The following USP45 variants were observed in gnomAD, a reference collection of about 807,000 sequenced individuals.
USP45 encodes the protein ubiquitin specific peptidase 45, also known as ubiquitin carboxyl-terminal hydrolase 45.
Under a neutral mutation model 95.8 loss-of-function variants are expected in USP45, and 89 were observed. The ratio of observed to expected loss-of-function variants is 0.93; its 90% CI spans 0.78 to 1.11. The LOEUF is 1.11. Among genes scored for constraint, USP45 ranks in the 50% least tolerant of loss-of-function variants. USP45 has a pLI of 0.00. For missense variants in USP45, 898 were observed against 942.5 expected, an observed-to-expected ratio of 0.95 and a Z score of 0.62; for synonymous variants, 281 against 316.2, an observed-to-expected ratio of 0.89 and a Z score of 1.18.
At chr6:99,444,569 A>G (rs1411518352) in intron 14 of USP45, among the ~76,000 whole-genome samples, 1 of 151,542 alleles carries the variant, frequency 6.6e-6, no homozygotes, top group Non-Finnish European at 1.5e-5. Context: ...TACCCCAACA[A>G]CCTCCTTCAC....
intron 13 of USP45, among the ~76,000 whole-genome samples, chr6:99,458,754 G>A (rs1199130762): frequency 2.6e-5 from 4 of 152,220 alleles, no homozygotes; most frequent in Non-Finnish European, 5.9e-5. Flanking sequence ...ATCCAGAATT[G>A]AGTGGATCAG....
intron 5 of USP45, among the ~76,000 whole-genome samples, chr6:99,496,693 C>G (rs1435835434): frequency 6.6e-6 from 1 of 151,914 alleles, no homozygotes; most frequent in Non-Finnish European, 1.5e-5. Context: ...TAGAACACTT[C>G]ATGACATTTA....
chr6:99,510,997 T>G (rs557450842), intron 1 of USP45, among the ~76,000 whole-genome samples: 3 of 152,320 alleles, frequency 2.0e-5, no homozygotes, highest in Admixed American at 1.3e-4. Context: ...ACTCTATACC[T>G]GTGTTGTACA....
chr6:99,471,561 A>C (rs1368042881), intron 9 of USP45, among the ~76,000 whole-genome samples: 1 of 152,216 alleles, frequency 6.6e-6, no homozygotes, highest in Admixed American at 6.5e-5. Flanking sequence ...TATAAATTAA[A>C]AAGACTGCCT....
chr6:99,482,389 T>C (rs1028387587), intron 8 of USP45: 4 of 189,750 alleles, frequency 2.1e-5, no homozygotes, highest in Non-Finnish European at 4.3e-5. Flanking sequence ...ATAAGAAAGC[T>C]AGATTAGATG....
intron 15 of USP45, among the ~76,000 whole-genome samples, chr6:99,440,809 C>T (rs1271488297): frequency 1.3e-5 from 2 of 152,050 alleles, no homozygotes; most frequent in African/African-American, 2.4e-5. Context: ...ATTTAATCTA[C>T]ATTCAATTTC....
intron 17 of USP45, among the ~76,000 whole-genome samples, chr6:99,436,842 G>A (rs1453284748): frequency 6.6e-6 from 1 of 152,146 alleles, no homozygotes; most frequent in East Asian, 1.9e-4. Flanking sequence ...GCTCACACCT[G>A]TAATCCCAGC....
At chr6:99,493,438 T>C (rs1225040529) in intron 5 of USP45, among the ~76,000 whole-genome samples, 1 of 152,248 alleles carries the variant, frequency 6.6e-6, no homozygotes, top group African/African-American at 2.4e-5. Flanking sequence ...ACAATTCTAG[T>C]TTAAAACAGG....
chr6:99,514,941 A>T (rs1393326519), intron 1 of USP45: 2 of 152,216 alleles, frequency 1.3e-5, no homozygotes, highest in Non-Finnish European at 2.9e-5. Context: ...TCCCAAAGCC[A>T]GTAAGCGGTG....
chr6:99,472,405 G>A (rs576677675), intron 9 of USP45, among the ~76,000 whole-genome samples: 9 of 151,768 alleles, frequency 5.9e-5, no homozygotes, highest in South Asian at 4.1e-4. Context: ...TAGTAGACAC[G>A]GGGTTTCACC....
Position 99,443,678 on chromosome 6 carries a change from T to TA in USP45, c.1976-17dup. 2.1e-6 allele frequency: 3 copies of TA among 1,453,784 alleles called. No homozygotes were observed. The highest frequency in any genetic ancestry group is 2.8e-6 in the Non-Finnish European group (3 of 1,078,872). 90.1% of individuals were successfully genotyped at this position (1,453,784 alleles called of 1,614,324 possible). A position where few individuals can be genotyped will look rare whatever the true frequency, so the allele number is the denominator to read the frequency against. On this transcript the variant is annotated splice_polypyrimidine_tract_variant and intron_variant, in intron 14 of 17. Transcript: ENST00000500704. ...ACTTTCTTTTCTACATAAAATACAATAAATTTATTTATAAAATTCCATTTT... is the reference window on the plus strand; with the variant it reads ...ACTTTCTTTTCTACATAAAATACAATAAAATTTATTTATAAAATTCCATTTT...
chr6:99,445,857 G>A lies in USP45; in HGVS notation c.1915C>T (p.Leu639Phe), dbSNP rs1782439932. ...SMELLMGNNK[L>F]LCENCTKNKQ... ...TTTTTAGTACAATTCTCACATAGAA[G>A]CTTATTATTCCCCATTAGTAATTCC... Residue 639 changes from leucine (L) to phenylalanine (F), a missense_variant, in exon 14 of 18, where the codon CTT becomes TTT. Physicochemically the swap from Leu to Phe is conservative, Grantham distance 22. Coordinates refer to ENST00000500704, the MANE Select transcript of USP45 (RefSeq NM_001346022.3). The A allele has an allele frequency of 6.2e-7, 1 of 1,607,672 alleles. No homozygotes were observed. The highest frequency in any genetic ancestry group is 1.3e-5 in the African/African-American group (1 of 74,570).
intron 15 of USP45, among the ~76,000 whole-genome samples, chr6:99,442,706 G>A (rs1004182770): frequency 6.6e-6 from 1 of 151,126 alleles, no homozygotes; most frequent in Non-Finnish European, 1.5e-5. Context: ...AATTAGCTAG[G>A]TGTGGTGGCA....
upstream of USP45, among the ~76,000 whole-genome samples, chr6:99,516,069 G>C (rs942977419): frequency 6.6e-6 from 1 of 152,128 alleles, no homozygotes; most frequent in Admixed American, 6.5e-5. Context: ...GAGCCACCGC[G>C]CCCGGCTCCG....
At chr6:99,468,265 A>G in intron 10 of USP45, 1 of 502,984 alleles carries the variant, frequency 2.0e-6, no homozygotes, top group South Asian at 1.6e-5. Context: ...ACTTTCAACA[A>G]CCTTTCAAGT....
Position 99,488,808 on chromosome 6 carries a change from C to A in USP45, c.491G>T (p.Arg164Ile). ...TTTTTCTTCACAAAGTTTCATGATT[C>A]TAGAAAATGCACCTACAAGTTAGAG... Reference protein sequence around the residue: ...ASKTQTSAFSRIMKLCEEKCE... With the variant: ...ASKTQTSAFSIIMKLCEEKCE... Residue 164 changes from arginine to isoleucine, a missense_variant, in exon 6 of 18, where the codon AGA (arginine) becomes ATA (isoleucine). Physicochemically the swap from Arg to Ile is moderately conservative, Grantham distance 97. Transcript: ENST00000500704. 6.3e-7 allele frequency: 1 copy of A among 1,586,354 alleles called. No individual in the cohort carries two copies. The highest frequency in any genetic ancestry group is 1.2e-5 in the South Asian group (1 of 85,018).
At position 99,464,728 on chromosome 6, in the gene USP45, CAAAGT is replaced by C; in HGVS notation, c.1179_1183del (p.Leu394GlyfsTer5). The stretch of plus-strand genomic sequence containing the variant: ...ACTTCTATATTTATTCATTCTTCCC[CAAAGT>C]AAAGGTTTTGAAACCTATGTAAATG... On this transcript the variant is annotated frameshift_variant, in exon 13 of 18. Transcript: ENST00000500704. LOFTEE classifies it high-confidence loss of function. The C allele has an allele frequency of 6.2e-7, 1 of 1,608,276 alleles. No homozygotes were observed. Among genetic ancestry groups the C allele is most frequent in the Non-Finnish European group, 8.5e-7 (1 of 1,178,836 alleles).
chr6:99,464,024 G>C (rs566235875), intron 13 of USP45, among the ~76,000 whole-genome samples: 1 of 151,992 alleles, frequency 6.6e-6, no homozygotes, highest in African/African-American at 2.4e-5. Flanking sequence ...CCCTCGGTTA[G>C]TGCTGGGCGC....
chr6:99,456,209 A>T (rs1785056274), intron 13 of USP45, among the ~76,000 whole-genome samples: 1 of 149,740 alleles, frequency 6.7e-6, no homozygotes, highest in Non-Finnish European at 1.5e-5. Context: ...CTTAGAAAAG[A>T]GTGAGTGGGG....
Sources: gnomAD v4.1 joint callset for allele counts (sites outside exome capture counted in the v4.1 genomes callset) on GRCh38, gnomAD v4.1.1 for gene constraint, MANE v1.5 for transcripts, NCBI Gene and HGNC (gene_info 2026-07-23, HGNC 2026-07-21) for gene names.